Variants in YAP1 observed in about 807,000 individuals in gnomAD.
YAP1 encodes Yes1 associated transcriptional regulator.
In YAP1, 5 loss-of-function variants were observed where a neutral mutation model predicts 56.9. The ratio of observed to expected loss-of-function variants is 0.09; its 90% CI spans 0.05 to 0.18. YAP1 has a LOEUF of 0.18. Among genes scored for constraint, YAP1 ranks in the 10% least tolerant of loss-of-function variants. The probability of loss-of-function intolerance (pLI) is 1.00; values close to 1 mark genes in which losing one functional copy is unlikely to be tolerated. For synonymous variants in YAP1, 265 were observed against 248.1 expected, an observed-to-expected ratio of 1.07 and a Z score of -0.64; for missense variants, 539 against 651.8, an observed-to-expected ratio of 0.83 and a Z score of 1.88.
In YAP1 at chr11:102,232,664, G is replaced by C. The variant is rs921685922; in HGVS notation, c.*2724G>C. The C allele has an allele frequency of 2.0e-5, 3 of 152,522 alleles. No individual in the cohort carries two copies. The highest frequency in any genetic ancestry group is 4.8e-5 in the African/African-American group (2 of 41,388). 9.4% of individuals were successfully genotyped at this position (152,522 alleles called of 1,614,324 possible). On this transcript the variant is annotated 3_prime_UTR_variant, in exon 9 of 9. Coordinates refer to ENST00000282441, the MANE Select transcript of YAP1 (RefSeq NM_001130145.3). ...TGCTTAACTGCTTCTTGGTTGTATTGGGTAGCATTGGGATAAGATTTTAAC... is the reference window on the plus strand; with the variant it reads ...TGCTTAACTGCTTCTTGGTTGTATTCGGTAGCATTGGGATAAGATTTTAAC...
At chr11:102,174,383 G>A (rs1947106097) in intron 3 of YAP1, among the ~76,000 whole-genome samples, 1 of 152,072 alleles carries the variant, frequency 6.6e-6, no homozygotes. Context: ...CAGATCATGA[G>A]GTCAACAGAT....
At chr11:102,148,666 C>T (rs1945459798) in intron 2 of YAP1, among the ~76,000 whole-genome samples, 1 of 152,168 alleles carries the variant, frequency 6.6e-6, no homozygotes, top group African/African-American at 2.4e-5. Flanking sequence ...ATTTCTCTTA[C>T]TGTTCTCTGG....
chr11:102,175,205 G>A (rs370904755), intron 3 of YAP1, among the ~76,000 whole-genome samples: 1 of 152,104 alleles, frequency 6.6e-6, no homozygotes, highest in Non-Finnish European at 1.5e-5. Flanking sequence ...TTTGAGACCA[G>A]CCTGACCAAC....
chr11:102,229,309 T>G (rs1950351356), intron 8 of YAP1, among the ~76,000 whole-genome samples: 1 of 152,200 alleles, frequency 6.6e-6, no homozygotes, highest in Non-Finnish European at 1.5e-5. Flanking sequence ...CCAAGGTAGG[T>G]CTATACCACT....
At chr11:102,181,122 G>C (rs543501460) in intron 3 of YAP1, among the ~76,000 whole-genome samples, 1 of 151,954 alleles carries the variant, frequency 6.6e-6, no homozygotes, top group Non-Finnish European at 1.5e-5. Context: ...ACTCCATCCT[G>C]GGTGACAGAA....
At chr11:102,213,464 G>A (rs539895617) in intron 6 of YAP1, among the ~76,000 whole-genome samples, 74 of 151,962 alleles carry the variant, frequency 4.9e-4, no homozygotes, top group Non-Finnish European at 9.7e-4. Flanking sequence ...CCAGCCTGGC[G>A]AAAAGAGCAA....
intron 4 of YAP1, among the ~76,000 whole-genome samples, chr11:102,195,125 G>A (rs2135548413): frequency 6.6e-6 from 1 of 152,098 alleles, no homozygotes; most frequent in South Asian, 2.1e-4. Context: ...TTTCATAGTG[G>A]GGAAAAACAT....
At chr11:102,178,487 A>G (rs568570177) in intron 3 of YAP1, among the ~76,000 whole-genome samples, 1 of 152,212 alleles carries the variant, frequency 6.6e-6, no homozygotes, top group South Asian at 2.1e-4. Flanking sequence ...TACTAATGCA[A>G]GAGGGTCCTT....
intron 3 of YAP1, among the ~76,000 whole-genome samples, chr11:102,173,678 A>G (rs1170336267): frequency 6.6e-6 from 1 of 152,202 alleles, no homozygotes; most frequent in Non-Finnish European, 1.5e-5. Flanking sequence ...GAATTTGCCC[A>G]AGGTTAGAAG....
intron 6 of YAP1, among the ~76,000 whole-genome samples, chr11:102,223,017 G>A (rs1221755584): frequency 2.6e-5 from 4 of 151,826 alleles, no homozygotes; most frequent in African/African-American, 9.7e-5. Context: ...GGGCCAAGGC[G>A]GGTGGATCAC....
chr11:102,110,855 C>A lies in YAP1; in HGVS notation c.7C>A (p.Pro3Thr), dbSNP rs1319669560. 1 of 1,410,618 alleles carries A rather than the reference C, an allele frequency of 7.1e-7. No homozygotes were observed. Among genetic ancestry groups the A allele is most frequent in the Non-Finnish European group, 9.2e-7 (1 of 1,081,588 alleles). The allele number at this position is 1,410,618 out of a possible 1,614,324, so 87.4% of individuals were successfully genotyped here. Residue 3 changes from proline (P) to threonine (T), a missense_variant, in exon 1 of 9, where the codon CCC (proline) becomes ACC (threonine). Physicochemically the swap from Pro to Thr is conservative, Grantham distance 38 (BLOSUM62 -1). Transcript: ENST00000282441. Reference protein sequence around the residue: MDPGQQPPPQPAP... With the variant: MDTGQQPPPQPAP... ...GTCGGGGGAGGCAGAAGCCATGGAT[C>A]CCGGGCAGCAGCCGCCGCCTCAACC... is the stretch of plus-strand genomic sequence containing the variant.
chr11:102,133,242 T>G (rs1465385104), intron 2 of YAP1, among the ~76,000 whole-genome samples: 1 of 152,214 alleles, frequency 6.6e-6, no homozygotes, highest in Non-Finnish European at 1.5e-5. Flanking sequence ...AACTCGACAA[T>G]TCTTACTAAG....
At chr11:102,181,112 A>C (rs533163576) in intron 3 of YAP1, among the ~76,000 whole-genome samples, 1 of 151,832 alleles carries the variant, frequency 6.6e-6, no homozygotes, top group African/African-American at 2.4e-5. Flanking sequence ...GCACCACTGC[A>C]CTCCATCCTG....
intron 3 of YAP1, among the ~76,000 whole-genome samples, chr11:102,168,991 A>G (rs1423666382): frequency 2.6e-5 from 4 of 152,194 alleles, no homozygotes; most frequent in African/African-American, 4.8e-5. Context: ...GAAACTTTAA[A>G]GTTTTACTTT....
chr11:102,200,138 A>C (rs1366897745), intron 4 of YAP1, among the ~76,000 whole-genome samples: 2 of 152,246 alleles, frequency 1.3e-5, no homozygotes, highest in Non-Finnish European at 2.9e-5. Flanking sequence ...ACATAAAGGC[A>C]GTACTGCCGT....
Position 102,231,837 on chromosome 11 carries a change from T to C in YAP1, c.*1897T>C, listed in dbSNP as rs1226546901. The C allele has an allele frequency of 2.6e-5, 4 of 152,442 alleles. No individual in the cohort carries two copies. The highest frequency in any genetic ancestry group is 7.3e-5 in the African/African-American group (3 of 41,310). 9.4% of individuals were successfully genotyped at this position (152,442 alleles called of 1,614,324 possible). The stretch of plus-strand genomic sequence containing the variant: ...CTCAGCTTGGGAAGATAGATTTTTT[T>C]CCCCCCAATTACAAAATCTAAGTAT... On this transcript the variant is annotated 3_prime_UTR_variant, in exon 9 of 9. Transcript: ENST00000282441.
chr11:102,168,722 T>C (rs1449314843), intron 3 of YAP1, among the ~76,000 whole-genome samples: 1 of 152,212 alleles, frequency 6.6e-6, no homozygotes, highest in African/African-American at 2.4e-5. Flanking sequence ...GTGAGTAGTA[T>C]AGAGCTGCCT....
chr11:102,204,569 T>C (rs183568162), intron 4 of YAP1, among the ~76,000 whole-genome samples: 315 of 152,298 alleles, frequency 2.1e-3, no homozygotes, highest in Admixed American at 6.4e-3. Flanking sequence ...GGGCCCAGCC[T>C]TGTGAGGTTT....
chr11:102,170,795 C>G (rs1271086872), intron 3 of YAP1, among the ~76,000 whole-genome samples: 2 of 151,804 alleles, frequency 1.3e-5, no homozygotes, highest in African/African-American at 4.8e-5. Context: ...ATGGTGAAAC[C>G]CCGTCTCTAC....
Sources: allele counts gnomAD v4.1 joint callset (sites outside exome capture counted in the v4.1 genomes callset), GRCh38; gene constraint gnomAD v4.1.1; transcripts MANE v1.5; gene names NCBI Gene and HGNC (gene_info 2026-07-23, HGNC 2026-07-21).